Variants in NXPH4 observed in about 807,000 individuals in gnomAD.
The protein encoded by NXPH4 is neurexophilin 4, also known as neurexophilin-4.
Under a neutral mutation model 21.3 loss-of-function variants are expected in NXPH4, and 8 were observed. That is an observed-to-expected ratio of 0.38 (90% confidence interval 0.22 to 0.68). The LOEUF (loss-of-function observed/expected upper bound fraction) is 0.68. Ranked by LOEUF, NXPH4 falls within the 30% of genes least tolerant of loss-of-function variation. The pLI is 0.53. For missense variants in NXPH4, 418 were observed against 416.8 expected (o/e 1.00, Z -0.03); for synonymous variants, 219 against 192.6 (o/e 1.14, Z -1.13).
chr12:57,225,001 G>C lies in NXPH4; in HGVS notation c.181G>C (p.Val61Leu). 6.7e-7 allele frequency: 1 copy of C among 1,497,780 alleles called. No homozygotes were observed. The highest frequency in any genetic ancestry group is 8.9e-7 in the Non-Finnish European group (1 of 1,124,282). The allele number at this position is 1,497,780 out of a possible 1,614,324, so 92.8% of individuals were successfully genotyped here. A position where few individuals can be genotyped will look rare whatever the true frequency, so the allele number is the denominator to read the frequency against. ...GCCAAGGTCTTCGGACGGCCTAGGC[G>C]TGGGCCGCGCCTGGAGCTGGGCCTG... ...PEPRSSDGLG[V>L]GRAWSWAWPT... Residue 61 changes from valine (V) to leucine (L), a missense_variant, in exon 2 of 2, where the codon GTG becomes CTG. Val to Leu is a conservative substitution (Grantham distance 32). Coordinates refer to ENST00000349394, the MANE Select transcript of NXPH4 (RefSeq NM_007224.4).
Position 57,221,426 on chromosome 12 carries a change from G to A in NXPH4, c.58-3452G>A, listed in dbSNP as rs749038414. 1.3e-4 allele frequency: 59 copies of A among 444,706 alleles called. No homozygotes were observed. The Middle Eastern group carries it at 6.4e-3, about 48-fold the overall frequency. The allele number at this position is 444,706 out of a possible 1,614,324, so 27.5% of individuals were successfully genotyped here. A position where few individuals can be genotyped will look rare whatever the true frequency, so the allele number is the denominator to read the frequency against. Reference sequence around the variant, plus strand: ...CCAGGGGAGGTGCACCCTGCAATGCGGCTGGGGGGCTGACAGCCTGATCCT... The same window carrying A: ...CCAGGGGAGGTGCACCCTGCAATGCAGCTGGGGGGCTGACAGCCTGATCCT... On this transcript the variant is annotated intron_variant, in intron 1 of 1. Transcript: ENST00000349394.
At chr12:57,223,181 C>A (rs773445415) in intron 1 of NXPH4, among the ~76,000 whole-genome samples, 4 of 152,150 alleles carry the variant, frequency 2.6e-5, no homozygotes, top group Admixed American at 2.0e-4. Context: ...TACGGATACA[C>A]CCCCTTTAGA....
chr12:57,224,602 T>G (rs1189322245), intron 1 of NXPH4, among the ~76,000 whole-genome samples: 1 of 152,218 alleles, frequency 6.6e-6, no homozygotes, highest in Non-Finnish European at 1.5e-5. Flanking sequence ...TTTGGGTTTT[T>G]GGCCCTCATT....
chr12:57,220,406 C>CG (rs1182953260), intron 1 of NXPH4, among the ~76,000 whole-genome samples: 1 of 152,214 alleles, frequency 6.6e-6, no homozygotes, highest in African/African-American at 2.4e-5. Context: ...GGGCGGGGGG[C>CG]GGGGGGGCAG....
intron 1 of NXPH4, chr12:57,221,411 T>A (rs1359982110): frequency 1.5e-5 from 7 of 452,896 alleles, no homozygotes; most frequent in Non-Finnish European, 3.1e-5. Flanking sequence ...CCAGGGGAGG[T>A]GCACCCTGCA....
intron 1 of NXPH4, among the ~76,000 whole-genome samples, chr12:57,218,011 G>A (rs1211663873): frequency 6.6e-6 from 1 of 152,182 alleles, no homozygotes; most frequent in Non-Finnish European, 1.5e-5. Flanking sequence ...CGCAATGGGG[G>A]CCCAGGCCCC....
rs201872894 is a variant in NXPH4 at position 57,225,070 on chromosome 12, G to A, written c.250G>A (p.Gly84Arg). The change falls in exon 2 of 2, where the codon GGG (glycine) becomes AGG (arginine). Residue 84 changes from glycine (G) to arginine (R), a missense_variant. Gly to Arg is a moderately radical substitution (Grantham distance 125). Coordinates refer to ENST00000349394, the MANE Select transcript of NXPH4 (RefSeq NM_007224.4). ...TGALARAGAA[G>R]ALPAQRTKRK... ...GGCGCTGGCCCGGGCAGGGGCAGCC[G>A]GGGCGTTGCCCGCGCAGCGCACCAA... 8.9e-3 allele frequency: 13,090 copies of A among 1,473,828 alleles called. 76 individuals carry two copies. The highest frequency in any genetic ancestry group is 0.011 in the Non-Finnish European group (11,745 of 1,110,786). 91.3% of individuals were successfully genotyped at this position (1,473,828 alleles called of 1,614,324 possible).
chr12:57,221,423 T>C (rs1159607600), intron 1 of NXPH4: 1 of 448,912 alleles, frequency 2.2e-6, no homozygotes, highest in Non-Finnish European at 4.5e-6. Flanking sequence ...CACCCTGCAA[T>C]GCGGCTGGGG....
At chr12:57,221,652 C>T (rs914126248) in intron 1 of NXPH4, 33 of 279,720 alleles carry the variant, frequency 1.2e-4, no homozygotes, top group African/African-American at 6.4e-4. Context: ...CGCGCACCTC[C>T]GCCCCGCCCC....
At chr12:57,220,187 G>A (rs994355160) in intron 1 of NXPH4, among the ~76,000 whole-genome samples, 1 of 152,162 alleles carries the variant, frequency 6.6e-6, no homozygotes, top group African/African-American at 2.4e-5. Flanking sequence ...TGGGGATGGG[G>A]AGCAGGGAGC....
chr12:57,219,505 G>A (rs1453355143), intron 1 of NXPH4, among the ~76,000 whole-genome samples: 1 of 152,198 alleles, frequency 6.6e-6, no homozygotes, highest in Admixed American at 6.5e-5. Flanking sequence ...GGCCCTGTGG[G>A]ACCTGCCAGC....
chr12:57,223,943 G>A (rs962091281), intron 1 of NXPH4, among the ~76,000 whole-genome samples: 4 of 152,252 alleles, frequency 2.6e-5, no homozygotes, highest in South Asian at 4.1e-4. Context: ...ACGGCCAGGC[G>A]GCCTCCACCA....
At chr12:57,222,349 C>T (rs528975206) in intron 1 of NXPH4, among the ~76,000 whole-genome samples, 1 of 152,262 alleles carries the variant, frequency 6.6e-6, no homozygotes, top group South Asian at 2.1e-4. Context: ...ACCTCCTCCC[C>T]TCCCCCTGCC....
At chr12:57,217,055 G>T in intron 1 of NXPH4, 29 bp downstream of exon 1, 2 of 1,575,984 alleles carry the variant, frequency 1.3e-6, no homozygotes, top group Non-Finnish European at 1.7e-6. Context: ...GGGCGCTAGC[G>T]CGGGCGCGGG....
In NXPH4 at chr12:57,225,506, G is replaced by A. The variant is rs776043445; in HGVS notation, c.686G>A (p.Arg229His). 11 of 1,611,018 alleles carry A rather than the reference G, an allele frequency of 6.8e-6. No individual in the cohort carries two copies. In the Admixed American group the frequency reaches 1.3e-4, roughly 20 times the overall value. The change falls in exon 2 of 2, where the codon CGC becomes CAC. Residue 229 changes from arginine to histidine, a missense_variant. Physicochemically the swap from Arg to His is conservative, Grantham distance 29. Coordinates refer to ENST00000349394, the MANE Select transcript of NXPH4 (RefSeq NM_007224.4). ...ALGVPGAKESRAFNCHVEYEK... is the reference protein window; with the variant it reads ...ALGVPGAKESHAFNCHVEYEK... ...GGAGTGCCTGGGGCCAAAGAGTCAC[G>A]CGCTTTCAATTGCCACGTGGAGTAT...
chr12:57,217,832 G>C (rs1380849730), intron 1 of NXPH4, among the ~76,000 whole-genome samples: 1 of 152,264 alleles, frequency 6.6e-6, no homozygotes, highest in Non-Finnish European at 1.5e-5. Context: ...GAGGGCGTGG[G>C]TCACCGTGTG....
At position 57,223,090 on chromosome 12, in the gene NXPH4, C is replaced by T. The variant is rs142835550; in HGVS notation, c.58-1788C>T. On this transcript the variant is annotated intron_variant, in intron 1 of 1. Coordinates refer to ENST00000349394, the MANE Select transcript of NXPH4 (RefSeq NM_007224.4). ...CCTGTGGGCCAGTGTAGGACACCTC[C>T]CCAGAGACCACTCAGATACAATTGA... 2.6e-5 allele frequency among the ~76,000 whole-genome samples: 4 copies of T among 152,258 alleles called. No homozygotes were observed. The East Asian group carries it at 7.7e-4, about 29-fold the overall frequency.
chr12:57,223,015 CAG>C (rs945964086), intron 1 of NXPH4, among the ~76,000 whole-genome samples: 1 of 152,122 alleles, frequency 6.6e-6, no homozygotes, highest in Non-Finnish European at 1.5e-5. Context: ...TGTGGGCAAA[CAG>C]AGGGGGGCAC....
rs956318282 is a variant in NXPH4, at chr12:57,220,419, G to C, written c.57+3393G>C. 2.6e-4 allele frequency among the ~76,000 whole-genome samples: 39 copies of C among 152,384 alleles called. 1 individual carries two copies. The highest frequency in any genetic ancestry group is 1.3e-3 in the Admixed American group (20 of 15,312). Reference sequence around the variant, plus strand: ...CGGGGCGGGGGGCGGGGGGGCAGTCGTTCCCGCGGGGACCGCGCTGGCTCC... The same window carrying C: ...CGGGGCGGGGGGCGGGGGGGCAGTCCTTCCCGCGGGGACCGCGCTGGCTCC... On this transcript the variant is annotated intron_variant, in intron 1 of 1. Transcript: ENST00000349394.
Sources: gnomAD v4.1 joint callset for allele counts (sites outside exome capture counted in the v4.1 genomes callset) on GRCh38, gnomAD v4.1.1 for gene constraint, MANE v1.5 for transcripts, NCBI Gene and HGNC (gene_info 2026-07-23, HGNC 2026-07-21) for gene names.